FAM169A: variants seen among roughly 807,000 people sequenced by gnomAD.
FAM169A encodes family with sequence similarity 169 member A, also known as soluble lamin-associated protein of 75 kDa.
In FAM169A, 24 loss-of-function variants were observed where a neutral mutation model predicts 75.7. That is an observed-to-expected ratio of 0.32 (90% CI 0.23 to 0.45). The LOEUF is 0.45. Among genes scored for constraint, FAM169A ranks in the 20% least tolerant of loss-of-function variants. The pLI, the probability that FAM169A is intolerant of heterozygous loss-of-function variation, is 1.00. For missense variants in FAM169A, 673 were observed against 784.0 expected (o/e 0.86, Z 1.69); for synonymous variants, 271 against 271.0 (o/e 1.00, Z 0.00).
chr5:74,799,996 T>C (rs1746479365), intron 10 of FAM169A: 5 of 786,248 alleles, frequency 6.4e-6, no homozygotes, highest in Admixed American at 3.5e-5. Context: ...ATTTATGAGG[T>C]GGATGAGAAA....
At chr5:74,840,996 G>A (rs1748836466) in intron 2 of FAM169A, among the ~76,000 whole-genome samples, 1 of 152,116 alleles carries the variant, frequency 6.6e-6, no homozygotes, top group Non-Finnish European at 1.5e-5. Context: ...TGCTGGGGAA[G>A]ACTTTAAAAA....
intron 1 of FAM169A, among the ~76,000 whole-genome samples, chr5:74,845,426 G>A (rs1749104037): frequency 1.3e-5 from 2 of 152,136 alleles, no homozygotes; most frequent in Admixed American, 6.5e-5. Flanking sequence ...GCTGAGGCAG[G>A]AGAATTGCTT....
chr5:74,858,540 C>CA (rs1749843325), intron 1 of FAM169A, among the ~76,000 whole-genome samples: 1 of 152,154 alleles, frequency 6.6e-6, no homozygotes, highest in African/African-American at 2.4e-5. Context: ...ACTGGGTACA[C>CA]ATGGACACAA....
chr5:74,800,024 C>T, intron 10 of FAM169A: 1 of 764,910 alleles, frequency 1.3e-6, no homozygotes, highest in Non-Finnish European at 2.4e-6. Flanking sequence ...GCAAATATTG[C>T]ACTACTGGCA....
intron 9 of FAM169A, among the ~76,000 whole-genome samples, chr5:74,801,261 G>A (rs556861009): frequency 3.3e-5 from 5 of 152,178 alleles, no homozygotes; most frequent in South Asian, 2.1e-4. Flanking sequence ...CATTCCTCAC[G>A]TTCCATGTTA....
chr5:74,797,849 G>A (rs1388702648), intron 10 of FAM169A, among the ~76,000 whole-genome samples: 3 of 151,924 alleles, frequency 2.0e-5, no homozygotes, highest in African/African-American at 7.3e-5. Context: ...CAACTCTGCC[G>A]TTCCAATGCA....
At chr5:74,789,247 T>A (rs1053198394) in intron 11 of FAM169A, among the ~76,000 whole-genome samples, 6 of 152,196 alleles carry the variant, frequency 3.9e-5, no homozygotes, top group African/African-American at 1.4e-4. Context: ...CACACTGGAC[T>A]TATTGATGAG....
At chr5:74,792,567 T>C (rs1746034972) in intron 11 of FAM169A, among the ~76,000 whole-genome samples, 1 of 152,160 alleles carries the variant, frequency 6.6e-6, no homozygotes, top group South Asian at 2.1e-4. Flanking sequence ...GCAGATGGCC[T>C]ACTGTGGGAC....
At chr5:74,847,688 AAC>A (rs1249595631) in intron 1 of FAM169A, among the ~76,000 whole-genome samples, 1 of 152,198 alleles carries the variant, frequency 6.6e-6, no homozygotes, top group Non-Finnish European at 1.5e-5. Context: ...CACATTAGAA[AAC>A]ACAGCACTAT....
intron 5 of FAM169A, among the ~76,000 whole-genome samples, chr5:74,832,937 C>T (rs1748390386): frequency 6.6e-6 from 1 of 151,870 alleles, no homozygotes. Context: ...ACAGTAGCAC[C>T]TGGAAACTCA....
intron 6 of FAM169A, among the ~76,000 whole-genome samples, chr5:74,811,788 C>T (rs528697065): frequency 6.6e-6 from 1 of 152,126 alleles, no homozygotes. Flanking sequence ...ACGGCATTGA[C>T]GATAAATGGA....
chr5:74,866,436 C>G (rs1315906879), upstream of FAM169A: 3 of 923,634 alleles, frequency 3.2e-6, no homozygotes, highest in East Asian at 3.5e-4. Context: ...CCCGCGCCCA[C>G]CGCGAATCCC....
chr5:74,804,510 T>C lies in FAM169A; in HGVS notation c.895A>G (p.Ser299Gly). ...YEARTEDNQS[S>G]EMQLTIDSLK... ...GTACCTACAGTTAGCTGCATCTCAC[T>C]AGACTGATTGTCTTCAGTTCTTGCT... The change falls in exon 8 of 13, where the codon AGT (serine) becomes GGT (glycine). Residue 299 changes from serine to glycine, a missense_variant. Physicochemically the swap from Ser to Gly is moderately conservative, Grantham distance 56. Around this residue, in one of 3 missense-constraint regions of FAM169A, gnomAD observed 510 missense variants for 550.9 expected, o/e 0.93. Transcript: ENST00000687041. 6.3e-7 allele frequency: 1 copy of C among 1,595,448 alleles called. No individual in the cohort carries two copies. Among genetic ancestry groups the C allele is most frequent in the Non-Finnish European group, 8.6e-7 (1 of 1,164,064 alleles).
At position 74,781,302 on chromosome 5, in the gene FAM169A, AC is replaced by A. The variant is rs1191229052; in HGVS notation, c.*157del. ...AAAATTAAAAACAATGGTGAATTCT[AC>A]GTTCTAAAGGGAAGCAAAAAACTGC... On this transcript the variant is annotated 3_prime_UTR_variant, in exon 13 of 13. Coordinates refer to ENST00000687041, the MANE Select transcript of FAM169A (RefSeq NM_001376049.1). 43 of 578,146 alleles carry A rather than the reference AC, an allele frequency of 7.4e-5. No homozygotes were observed. Among genetic ancestry groups the A allele is most frequent in the African/African-American group, 6.6e-4 (36 of 54,364 alleles). 35.8% of individuals were successfully genotyped at this position (578,146 alleles called of 1,614,324 possible).
intron 1 of FAM169A, among the ~76,000 whole-genome samples, chr5:74,845,140 T>C (rs1349296888): frequency 1.3e-5 from 2 of 152,168 alleles, no homozygotes; most frequent in South Asian, 2.1e-4. Flanking sequence ...TAACTGAGTA[T>C]GTTTTTCTGA....
intron 4 of FAM169A, 42 bp from the exon 5 acceptor site, chr5:74,834,639 G>A (rs778853550): frequency 2.2e-5 from 30 of 1,389,260 alleles, no homozygotes; most frequent in Non-Finnish European, 2.9e-5. Context: ...GTTATAATAT[G>A]CATCAATCAC....
At chr5:74,832,860 G>T (rs952598685) in intron 5 of FAM169A, among the ~76,000 whole-genome samples, 4 of 151,894 alleles carry the variant, frequency 2.6e-5, no homozygotes, top group Admixed American at 6.6e-5. Context: ...GTACAACGGG[G>T]AAAGAACTAA....
At chr5:74,856,527 T>C (rs757227108) in intron 1 of FAM169A, among the ~76,000 whole-genome samples, 4 of 152,182 alleles carry the variant, frequency 2.6e-5, no homozygotes, top group Admixed American at 1.3e-4. Flanking sequence ...CCTAGGTATT[T>C]TGTTTGGACA....
intron 11 of FAM169A, among the ~76,000 whole-genome samples, chr5:74,789,420 G>C (rs2112480785): frequency 6.6e-6 from 1 of 152,332 alleles, no homozygotes; most frequent in African/African-American, 2.4e-5. Flanking sequence ...CCAAGAAAGA[G>C]GCACAGCACA....
Sources: gnomAD v4.1 joint callset for allele counts (sites outside exome capture counted in the v4.1 genomes callset) on GRCh38, gnomAD v4.1.1 for gene constraint, gnomAD v4.1.1 regional missense constraint, MANE v1.5 for transcripts, NCBI Gene and HGNC (gene_info 2026-07-23, HGNC 2026-07-21) for gene names.